The following ARMC8 variants were observed in gnomAD, a reference collection of about 807,000 sequenced individuals.
ARMC8 encodes the protein armadillo repeat-containing protein 8.
A neutral mutation model predicts 99.3 loss-of-function variants in ARMC8; 20 were observed. The observed-to-expected ratio is 0.20, with a 90% CI of 0.14 to 0.29. ARMC8 has a LOEUF of 0.29. ARMC8 is among the 10% of genes least tolerant of loss of function. ARMC8 has a pLI of 1.00. For missense variants in ARMC8, 569 were observed against 809.5 expected (o/e 0.70, Z 3.60); for synonymous variants, 263 against 278.3 (o/e 0.95, Z 0.55).
At chr3:138,247,804 T>C (rs4678405) in intron 12 of ARMC8, among the ~76,000 whole-genome samples, 96,737 of 152,090 alleles carry the variant, frequency 0.64, 31,121 homozygotes, top group East Asian at 0.84. Context: ...GGAATGTGAC[T>C]TGTAGATCAG....
chr3:138,289,498 C>A (rs573239372), intron 20 of ARMC8, among the ~76,000 whole-genome samples: 1 of 152,176 alleles, frequency 6.6e-6, no homozygotes, highest in South Asian at 2.1e-4. Flanking sequence ...GGACTACAGG[C>A]AGATAAGCAT....
At chr3:138,235,226 A>G (rs1275546817) in intron 7 of ARMC8, 112 bp downstream of exon 7, 5 of 771,700 alleles carry the variant, frequency 6.5e-6, no homozygotes, top group African/African-American at 1.8e-5. Context: ...GTAGTATTTT[A>G]TCAGTAAAAT....
intron 20 of ARMC8, 73 bp downstream of exon 20, chr3:138,289,193 C>A: frequency 1.3e-5 from 15 of 1,171,486 alleles, no homozygotes; most frequent in Non-Finnish European, 1.9e-5. Context: ...CTAGCAGGTG[C>A]CCCTGAGATC....
Position 138,237,483 on chromosome 3 carries a change from T to C in ARMC8, c.687T>C (p.Val229=). ...CATTGTTGTTTGTTTTATTTCTAGT[T>C]TTGGTTGATGGAGAATTGTTACCAC... ...NPQVSMTLVN[V]LVDGELLPQI... Residue 229 remains valine, a splice_region_variant and synonymous_variant, in exon 9 of 22, where the codon GTT becomes GTC. Coordinates refer to ENST00000469044, the MANE Select transcript of ARMC8 (RefSeq NM_001363941.2). 1 of 1,613,782 alleles carries C rather than the reference T, an allele frequency of 6.2e-7. No homozygotes were observed.
intron 18 of ARMC8, among the ~76,000 whole-genome samples, chr3:138,276,427 A>C (rs1181628085): frequency 1.3e-5 from 2 of 152,216 alleles, no homozygotes; most frequent in Non-Finnish European, 2.9e-5. Context: ...GTCCATTTGT[A>C]CCACTCCTGT....
At chr3:138,288,956 T>G in intron 19 of ARMC8, 92 bp from the exon 20 acceptor site, 1 of 1,012,950 alleles carries the variant, frequency 9.9e-7, no homozygotes, top group Non-Finnish European at 1.5e-6. Flanking sequence ...ACTTTTAGGT[T>G]ATAGGAATTG....
intron 6 of ARMC8, among the ~76,000 whole-genome samples, chr3:138,231,788 G>GAA (rs140569493): frequency 2.8e-5 from 4 of 144,974 alleles, no homozygotes; most frequent in African/African-American, 1.0e-4. Flanking sequence ...TCTGGGGGGG[G>GAA]AAAAAAAAAA....
At chr3:138,267,293 C>A in intron 15 of ARMC8, 52 bp downstream of exon 15, 1 of 1,125,126 alleles carries the variant, frequency 8.9e-7, no homozygotes, top group Non-Finnish European at 1.3e-6. Flanking sequence ...CTAGAGCTTA[C>A]TCAAATACTT....
intron 20 of ARMC8, among the ~76,000 whole-genome samples, chr3:138,289,890 T>C (rs546864611): frequency 6.6e-6 from 1 of 152,260 alleles, no homozygotes; most frequent in East Asian, 1.9e-4. Context: ...CACTGTGGGC[T>C]CTTCAGTGGG....
intron 18 of ARMC8, among the ~76,000 whole-genome samples, chr3:138,280,307 CTT>C (rs2049758705): frequency 6.7e-6 from 1 of 150,328 alleles, no homozygotes; most frequent in Non-Finnish European, 1.5e-5. Flanking sequence ...GATTTTCCCA[CTT>C]ATTATTATTA....
At chr3:138,269,950 A>T in intron 15 of ARMC8, 90 bp from the exon 16 acceptor site, 4 of 747,134 alleles carry the variant, frequency 5.4e-6, no homozygotes, top group Non-Finnish European at 8.8e-6. Flanking sequence ...AAGAGTGGGG[A>T]AGAAATCACA....
chr3:138,296,410 A>T lies in ARMC8; in HGVS notation c.*518A>T, dbSNP rs1354462729. 6.6e-6 allele frequency: 1 copy of T among 152,256 alleles called. No individual in the cohort carries two copies. The highest frequency in any genetic ancestry group is 2.4e-5 in the African/African-American group (1 of 41,466). 9.4% of individuals were successfully genotyped at this position (152,256 alleles called of 1,614,324 possible). On this transcript the variant is annotated 3_prime_UTR_variant, in exon 22 of 22. Transcript: ENST00000469044. ...TACTGAATTATATACAGTTTGAATG[A>T]AATGTTATTTTAAAAACAAAACAAT...
intron 18 of ARMC8, among the ~76,000 whole-genome samples, chr3:138,275,710 G>C (rs1283170341): frequency 6.6e-6 from 1 of 152,180 alleles, no homozygotes; most frequent in African/African-American, 2.4e-5. Context: ...AAGTAATTCA[G>C]CCAGCCTTGG....
chr3:138,240,121 A>C (rs1309702319), intron 10 of ARMC8, among the ~76,000 whole-genome samples: 1 of 152,074 alleles, frequency 6.6e-6, no homozygotes, highest in Non-Finnish European at 1.5e-5. Flanking sequence ...GATGCCTCGG[A>C]CTCCAGATTA....
intron 5 of ARMC8, among the ~76,000 whole-genome samples, chr3:138,227,117 A>G (rs534254572): frequency 6.6e-6 from 1 of 152,292 alleles, no homozygotes; most frequent in Admixed American, 6.5e-5. Context: ...AGACAGCAGG[A>G]TTTCTAGTTT....
intron 12 of ARMC8, among the ~76,000 whole-genome samples, chr3:138,260,797 C>T (rs1247387541): frequency 6.6e-6 from 1 of 152,214 alleles, no homozygotes; most frequent in Non-Finnish European, 1.5e-5. Flanking sequence ...GGGCAAGCAT[C>T]TGGAGCCAAT....
chr3:138,208,303 TAA>T (rs972348956), intron 1 of ARMC8, among the ~76,000 whole-genome samples: 2 of 152,028 alleles, frequency 1.3e-5, no homozygotes. Context: ...CCATCTCTAC[TAA>T]AAATACAAAA....
intron 12 of ARMC8, chr3:138,261,662 G>A (rs545862446): frequency 1.3e-5 from 2 of 152,152 alleles, no homozygotes; most frequent in Admixed American, 6.5e-5. Flanking sequence ...AGCTTCAAGA[G>A]GTTAAAGTTT....
At chr3:138,267,082 TATTTTATATCTC>T (rs924816029) in intron 14 of ARMC8, 61 bp from the exon 15 acceptor site, 15 of 788,838 alleles carry the variant, frequency 1.9e-5, no homozygotes, top group African/African-American at 8.8e-5. Context: ...TTTTTATTTA[TATTTTATATCTC>T]ATTTTATATC....
Sources: gnomAD v4.1 joint callset for allele counts (sites outside exome capture counted in the v4.1 genomes callset) on GRCh38, gnomAD v4.1.1 for gene constraint, MANE v1.5 for transcripts, NCBI Gene and HGNC (gene_info 2026-07-23, HGNC 2026-07-21) for gene names.